Variants in ANK2 observed in about 807,000 individuals in gnomAD.
ANK2 encodes the protein ankyrin-2.
A neutral mutation model predicts 360.5 loss-of-function variants in ANK2; 83 were observed. The ratio of observed to expected loss-of-function variants is 0.23; its 90% CI spans 0.19 to 0.28. The LOEUF (loss-of-function observed/expected upper bound fraction) is 0.28, where lower values mean the gene tolerates loss of function less well. ANK2 is among the 10% of genes least tolerant of loss of function. The probability of loss-of-function intolerance (pLI) is 1.00; values close to 1 mark genes in which losing one functional copy is unlikely to be tolerated. For synonymous variants in ANK2, 1,740 were observed against 1,759.5 expected (o/e 0.99, Z 0.28); for missense variants, 4,201 against 4,795.7 (o/e 0.88, Z 3.66).
Position 113,367,766 on chromosome 4 carries a change from C to T in ANK2, c.11233C>T (p.His3745Tyr). Residue 3745 changes from histidine to tyrosine, a missense_variant, in exon 42 of 46, where the codon CAC becomes TAC. This residue lies in a region of ANK2 where 2,642 missense variants were observed against 2,714.5 expected (regional missense o/e 0.97). Coordinates refer to ENST00000357077, the MANE Select transcript of ANK2 (RefSeq NM_001148.6). ...SSATALFPQT[H>Y]KEQVQQDFSG... ...AGCAACAGCACTCTTTCCCCAAACT[C>T]ACAAGGAGCAAGTTCAACAGGATTT... 1.2e-6 allele frequency: 2 copies of T among 1,614,064 alleles called. No individual in the cohort carries two copies. The highest frequency in any genetic ancestry group is 1.7e-6 in the Non-Finnish European group (2 of 1,180,014).
intron 1 of ANK2, among the ~76,000 whole-genome samples, chr4:113,144,889 A>G (rs907922083): frequency 6.6e-6 from 1 of 150,414 alleles, no homozygotes. Context: ...AATCCATATT[A>G]GTCCCTCACA....
chr4:112,848,177 G>A (rs899661835), intron 1 of ANK2, among the ~76,000 whole-genome samples: 1 of 152,120 alleles, frequency 6.6e-6, no homozygotes, highest in African/African-American at 2.4e-5. Context: ...CGAGGCTGGA[G>A]TGCAGTGGCA....
intron 1 of ANK2, among the ~76,000 whole-genome samples, chr4:113,058,940 G>A (rs974331636): frequency 2.0e-5 from 3 of 152,110 alleles, no homozygotes; most frequent in African/African-American, 7.2e-5. Context: ...TGGAGGCTAG[G>A]AAATTGAAGA....
intron 2 of ANK2, among the ~76,000 whole-genome samples, chr4:112,925,769 GA>G (rs1199134803): frequency 3.3e-5 from 5 of 152,220 alleles, no homozygotes; most frequent in African/African-American, 1.2e-4. Flanking sequence ...TAAAGTTGTA[GA>G]GCATGAAATG....
chr4:112,884,939 T>C (rs529324429), intron 1 of ANK2, among the ~76,000 whole-genome samples: 1 of 152,360 alleles, frequency 6.6e-6, no homozygotes, highest in African/African-American at 2.4e-5. Flanking sequence ...TTGATTCTTC[T>C]TTTGATTATA....
chr4:113,202,256 T>A lies in ANK2; in HGVS notation c.384+3147T>A, dbSNP rs193093623. ...CCAAAACTGATGGTTTCAGAGCCAC[T>A]GAGGGCTGATTTGAGTTCCTCCACA... On this transcript the variant is annotated intron_variant, in intron 4 of 45. Transcript: ENST00000357077. Among the ~76,000 whole-genome samples the A allele has an allele frequency of 2.0e-5, 3 of 152,320 alleles. No homozygotes were observed. In the East Asian group the frequency reaches 5.8e-4, roughly 29 times the overall value.
rs940647436 is a variant in ANK2, at chr4:113,242,245, T to C, written c.891+36T>C. 3 of 1,580,470 alleles carry C rather than the reference T, an allele frequency of 1.9e-6. No individual in the cohort carries two copies. In the African/African-American group the frequency reaches 4.0e-5, roughly 21 times the overall value. ...CTGTTCTTTCAATTTTCTACCATTATTATTTCTTTCAAGCCTCATAGAAGG... is the reference window on the plus strand; with the variant it reads ...CTGTTCTTTCAATTTTCTACCATTACTATTTCTTTCAAGCCTCATAGAAGG... On this transcript the variant is annotated intron_variant, in intron 9 of 45. Coordinates refer to ENST00000357077, the MANE Select transcript of ANK2 (RefSeq NM_001148.6).
intron 1 of ANK2, among the ~76,000 whole-genome samples, chr4:112,863,976 A>G (rs2069196384): frequency 6.6e-6 from 1 of 152,226 alleles, no homozygotes; most frequent in Non-Finnish European, 1.5e-5. Context: ...ACTAAGAGAT[A>G]AAAGATGATA....
intron 2 of ANK2, among the ~76,000 whole-genome samples, chr4:112,906,838 G>T (rs1367506094): frequency 6.6e-6 from 1 of 152,066 alleles, no homozygotes; most frequent in African/African-American, 2.4e-5. Context: ...ATTGATGACT[G>T]GGAATTTGTA....
chr4:113,064,609 C>G (rs978923156), intron 1 of ANK2, among the ~76,000 whole-genome samples: 1 of 152,274 alleles, frequency 6.6e-6, no homozygotes, highest in African/African-American at 2.4e-5. Flanking sequence ...TACCAACCAC[C>G]CTTACGTCAA....
chr4:113,368,675 C>T (rs992182762), intron 42 of ANK2, among the ~76,000 whole-genome samples: 3 of 152,088 alleles, frequency 2.0e-5, no homozygotes, highest in African/African-American at 7.2e-5. Context: ...CAAAACATTT[C>T]GCTTGTCATT....
chr4:112,860,638 G>A (rs558652876), intron 1 of ANK2, among the ~76,000 whole-genome samples: 1 of 152,224 alleles, frequency 6.6e-6, no homozygotes, highest in Non-Finnish European at 1.5e-5. Context: ...TTGTATCACC[G>A]TCTTATTTTA....
chr4:113,008,604 T>C (rs1241227770), intron 2 of ANK2, among the ~76,000 whole-genome samples: 1 of 152,180 alleles, frequency 6.6e-6, no homozygotes, highest in Non-Finnish European at 1.5e-5. Flanking sequence ...TGGTGTCATA[T>C]GTGAATTAAA....
At chr4:112,876,507 T>C (rs2075161264) in intron 1 of ANK2, among the ~76,000 whole-genome samples, 1 of 152,150 alleles carries the variant, frequency 6.6e-6, no homozygotes, top group South Asian at 2.1e-4. Context: ...GTGTGGAATG[T>C]AGGGCACAGG....
intron 39 of ANK2, among the ~76,000 whole-genome samples, chr4:113,362,794 G>A (rs1045228009): frequency 1.3e-5 from 2 of 152,046 alleles, no homozygotes; most frequent in African/African-American, 2.4e-5. Flanking sequence ...GGAAAATTTT[G>A]TGTCTTCTTC....
At chr4:113,251,774 G>A (rs547894296) in intron 10 of ANK2, among the ~76,000 whole-genome samples, 12 of 151,906 alleles carry the variant, frequency 7.9e-5, no homozygotes, top group South Asian at 2.1e-4. Context: ...GAGCCACCAC[G>A]CCTGGCCATA....
At chr4:112,863,674 C>T (rs1253917159) in intron 1 of ANK2, among the ~76,000 whole-genome samples, 1 of 151,944 alleles carries the variant, frequency 6.6e-6, no homozygotes, top group Non-Finnish European at 1.5e-5. Flanking sequence ...AGGCGCCAGC[C>T]ACCACGCCCG....
chr4:113,192,929 A>ATTTTTTT (rs779288633), intron 2 of ANK2, among the ~76,000 whole-genome samples: 3 of 150,962 alleles, frequency 2.0e-5, no homozygotes, highest in Non-Finnish European at 4.4e-5. Flanking sequence ...TTATTTAAAA[A>ATTTTTTT]AAAAAAAAAA....
chr4:112,805,085 A>G, the ANK2 span, among the ~76,000 whole-genome samples: 1 of 152,214 alleles, frequency 6.6e-6, no homozygotes, highest in African/African-American at 2.4e-5. Context: ...TTGGAGATGT[A>G]GAAGTGACTA....
Sources: allele counts gnomAD v4.1 joint callset (sites outside exome capture counted in the v4.1 genomes callset), GRCh38; gene constraint gnomAD v4.1.1; regional missense constraint gnomAD v4.1.1; transcripts MANE v1.5; gene names NCBI Gene and HGNC (gene_info 2026-07-23, HGNC 2026-07-21).